The following PCM1 variants were observed in gnomAD, a reference collection of about 807,000 sequenced individuals.
The protein encoded by PCM1 is pericentriolar material 1 protein.
PCM1 carries 157 observed loss-of-function variants against 241.9 expected under a neutral mutation model. The ratio of observed to expected loss-of-function variants is 0.65; its 90% CI spans 0.57 to 0.74. The LOEUF (loss-of-function observed/expected upper bound fraction) is 0.74, where lower values mean the gene tolerates loss of function less well. Among genes scored for constraint, PCM1 ranks in the 30% least tolerant of loss-of-function variants. The probability of loss-of-function intolerance (pLI) is 0.00; values close to 1 mark genes in which losing one functional copy is unlikely to be tolerated. For synonymous variants in PCM1, 1,085 were observed against 784.9 expected (o/e 1.38, Z -6.39); for missense variants, 3,478 against 2,360.1 (o/e 1.47, Z -9.81).
At chr8:17,974,697 T>C (rs900925810) in intron 23 of PCM1, among the ~76,000 whole-genome samples, 2 of 152,242 alleles carry the variant, frequency 1.3e-5, no homozygotes, top group Non-Finnish European at 2.9e-5. Context: ...TTTCCAAATA[T>C]ATAATTCAGC....
chr8:17,956,961 A>G lies in PCM1; in HGVS notation c.1646+184A>G, dbSNP rs183620282. 2.0e-4 allele frequency among the ~76,000 whole-genome samples: 30 copies of G among 152,334 alleles called. 1 individual carries two copies. The highest frequency in any genetic ancestry group is 1.2e-3 in the East Asian group (6 of 5,186). ...GATGAATAGGGAAGTATGGAGTACA[A>G]TAGTTCAGTAAATTTGCCCTTTGTT... On this transcript the variant is annotated intron_variant, in intron 11 of 38. Transcript: ENST00000325083.
intron 36 of PCM1, among the ~76,000 whole-genome samples, chr8:18,016,677 T>C (rs1448367610): frequency 6.6e-6 from 1 of 152,174 alleles, no homozygotes; most frequent in Non-Finnish European, 1.5e-5. Flanking sequence ...ATGAATTGTA[T>C]GTAGGGAGTG....
chr8:17,931,840 T>C (rs1387289251), intron 2 of PCM1, among the ~76,000 whole-genome samples: 1 of 152,160 alleles, frequency 6.6e-6, no homozygotes, highest in Non-Finnish European at 1.5e-5. Flanking sequence ...GTTCACTGGA[T>C]ATACTTCTAT....
In PCM1 at chr8:17,937,190, G is replaced by T; in HGVS notation, c.153G>T (p.Lys51Asn). ...GATCATCAGAAAAGAATAAGAAAAA[G>T]TTTGGTGTAGAAAGTGATAAAAGAG... is the stretch of plus-strand genomic sequence containing the variant. ...ANRSSEKNKKKFGVESDKRVT... is the reference protein window; with the variant it reads ...ANRSSEKNKKNFGVESDKRVT... Residue 51 changes from lysine to asparagine, a missense_variant, in exon 4 of 39, where the codon AAG becomes AAT. Lys to Asn is a moderately conservative substitution (Grantham distance 94). Transcript: ENST00000325083. 1.3e-6 allele frequency: 2 copies of T among 1,595,116 alleles called. No individual in the cohort carries two copies. The highest frequency in any genetic ancestry group is 1.8e-5 in the Admixed American group (1 of 57,102).
rs1307848158 is a variant in PCM1, at chr8:17,938,881, A to G, written c.484A>G (p.Asn162Asp). The G allele has an allele frequency of 1.2e-6, 2 of 1,613,772 alleles. No homozygotes were observed. Among genetic ancestry groups the G allele is most frequent in the Non-Finnish European group, 1.7e-6 (2 of 1,179,674 alleles). ...CAAAGATGCATCTACAAACCCCCCA[A>G]ACAGAGAAACGATTGGATCAGCACA... ...KSKDASTNPP[N>D]RETIGSAQCK... is the part of the protein sequence containing the mutation. The change falls in exon 5 of 39, where the codon AAC (asparagine) becomes GAC (aspartate). Residue 162 changes from asparagine (N) to aspartate (D), a missense_variant. By Grantham distance (23) the Asn-to-Asp change is conservative. Transcript: ENST00000325083.
chr8:17,983,729 T>C (rs560211750), intron 24 of PCM1, among the ~76,000 whole-genome samples: 2 of 152,194 alleles, frequency 1.3e-5, no homozygotes, highest in Non-Finnish European at 2.9e-5. Context: ...TCATGGAAAT[T>C]ACAAAGATTC....
At chr8:17,928,079 C>T (rs1048755580) in intron 2 of PCM1, 4 of 152,050 alleles carry the variant, frequency 2.6e-5, no homozygotes, top group South Asian at 2.1e-4. Context: ...TATCCCCGTT[C>T]AGCTACCCGT....
At chr8:17,941,916 C>T (rs1318412990) in intron 6 of PCM1, among the ~76,000 whole-genome samples, 1 of 152,064 alleles carries the variant, frequency 6.6e-6, no homozygotes, top group Non-Finnish European at 1.5e-5. Flanking sequence ...ATTTGCTTTT[C>T]TGTTGTTGCT....
chr8:18,025,371 C>A lies in PCM1; in HGVS notation c.5852C>A (p.Ser1951Tyr), dbSNP rs1305354604. The part of the protein sequence containing the change: ...PVLVNDYEAE[S>Y]GNISQKSDEE... Reference sequence around the variant, plus strand: ...TTCATTACATTACAGGAAGCAGAATCTGGTAATATAAGTCAAAAGTCTGAT... The same window carrying A: ...TTCATTACATTACAGGAAGCAGAATATGGTAATATAAGTCAAAAGTCTGAT... The change falls in exon 37 of 39, where the codon TCT (serine) becomes TAT (tyrosine). Residue 1951 changes from serine to tyrosine, a missense_variant. Physicochemically the swap from Ser to Tyr is moderately radical, Grantham distance 144. Transcript: ENST00000325083. The A allele has an allele frequency of 1.1e-5, 18 of 1,576,110 alleles. No individual in the cohort carries two copies. Among genetic ancestry groups the A allele is most frequent in the Non-Finnish European group, 1.4e-5 (16 of 1,151,950 alleles).
chr8:17,957,187 T>G, intron 11 of PCM1, 77 bp from the exon 12 acceptor site: 1 of 1,144,598 alleles, frequency 8.7e-7, no homozygotes, highest in Admixed American at 2.5e-5. Context: ...TGTTATTTTA[T>G]TAGCAGTTCT....
In PCM1 at chr8:17,938,809, C is replaced by T; in HGVS notation, c.412C>T (p.Arg138Ter). Residue 138 changes from arginine to a stop codon, truncating the protein, a stop_gained, in exon 5 of 39, where the codon CGA becomes TGA. Coordinates refer to ENST00000325083, the MANE Select transcript of PCM1 (RefSeq NM_006197.4). LOFTEE classifies it high-confidence loss of function. ...ANNKRQLSENRKPFNFLPMQI... is the reference protein window; with the variant it reads ...ANNKRQLSEN ...CAACAAACGTCAGCTTAGTGAAAAC[C>T]GAAAGCCCTTCAACTTTTTGCCTAT... is the stretch of plus-strand genomic sequence containing the variant. 6.2e-7 allele frequency: 1 copy of T among 1,612,920 alleles called. No homozygotes were observed. The highest frequency in any genetic ancestry group is 8.5e-7 in the Non-Finnish European group (1 of 1,178,940).
intron 7 of PCM1, among the ~76,000 whole-genome samples, chr8:17,949,319 C>T (rs208761): frequency 1.3e-5 from 2 of 151,762 alleles, no homozygotes; most frequent in African/African-American, 4.8e-5. Flanking sequence ...AAGAGTGTCC[C>T]TTTCACCATT....
At chr8:17,932,448 T>C (rs186577456) in intron 2 of PCM1, among the ~76,000 whole-genome samples, 2 of 152,284 alleles carry the variant, frequency 1.3e-5, no homozygotes, top group East Asian at 1.9e-4. Flanking sequence ...TTAGATAATA[T>C]GTAATTTATA....
intron 29 of PCM1, among the ~76,000 whole-genome samples, chr8:18,001,887 C>A (rs914157504): frequency 6.6e-6 from 1 of 151,566 alleles, no homozygotes; most frequent in Non-Finnish European, 1.5e-5. Flanking sequence ...GTCAGCTGAT[C>A]GTGTCCAGAT....
At chr8:17,961,267 A>C (rs959066619) in intron 15 of PCM1, among the ~76,000 whole-genome samples, 3 of 148,626 alleles carry the variant, frequency 2.0e-5, no homozygotes, top group African/African-American at 7.5e-5. Flanking sequence ...AGGGGATAAT[A>C]ATTCCTTCTG....
chr8:17,999,514 G>A (rs1353187877), intron 29 of PCM1, among the ~76,000 whole-genome samples: 1 of 152,056 alleles, frequency 6.6e-6, no homozygotes, highest in African/African-American at 2.4e-5. Flanking sequence ...TGTTGTAGCT[G>A]TGGCTGAGCT....
At chr8:17,966,248 G>C (rs377597919) in intron 19 of PCM1, 30 bp downstream of exon 19, 2 of 1,607,944 alleles carry the variant, frequency 1.2e-6, no homozygotes, top group Admixed American at 3.4e-5. Flanking sequence ...TATATTTTTC[G>C]TCTATTTTTA....
intron 6 of PCM1, among the ~76,000 whole-genome samples, chr8:17,941,331 T>C (rs2061969897): frequency 6.6e-6 from 1 of 152,158 alleles, no homozygotes; most frequent in African/African-American, 2.4e-5. Context: ...TCTTTCATAA[T>C]ATAAAATGAC....
intron 36 of PCM1, among the ~76,000 whole-genome samples, chr8:18,018,820 AAAT>A (rs1421500006): frequency 1.7e-4 from 24 of 144,712 alleles, no homozygotes; most frequent in African/African-American, 5.4e-4. Context: ...AAAAAAAAAA[AAAT>A]ATGTATATAT....
Sources: gnomAD v4.1 joint callset for allele counts (sites outside exome capture counted in the v4.1 genomes callset) on GRCh38, gnomAD v4.1.1 for gene constraint, MANE v1.5 for transcripts, NCBI Gene and HGNC (gene_info 2026-07-23, HGNC 2026-07-21) for gene names.